Variants in SHC3 observed in about 807,000 individuals in gnomAD.
SHC3 encodes the protein SHC adaptor protein 3, also known as SHC-transforming protein 3.
In SHC3, 15 loss-of-function variants were observed where a neutral mutation model predicts 60.4. The observed-to-expected ratio is 0.25, with a 90% CI of 0.17 to 0.38. SHC3 has a LOEUF of 0.38. Ranked by LOEUF, SHC3 falls within the 10% of genes least tolerant of loss-of-function variation. The pLI is 1.00. For missense variants in SHC3, 677 were observed against 786.1 expected (o/e 0.86, Z 1.66); for synonymous variants, 294 against 325.9 (o/e 0.90, Z 1.05).
intron 5 of SHC3, among the ~76,000 whole-genome samples, chr9:89,069,675 A>G (rs556358715): frequency 2.0e-5 from 3 of 152,254 alleles, no homozygotes; most frequent in Non-Finnish European, 2.9e-5. Flanking sequence ...ACTGAGAAGC[A>G]GCAGGGCCCA....
chr9:89,136,685 G>A (rs904950330), intron 1 of SHC3, among the ~76,000 whole-genome samples: 2 of 152,224 alleles, frequency 1.3e-5, no homozygotes, highest in African/African-American at 4.8e-5. Flanking sequence ...TGCCTACGGA[G>A]TAGCCATTCT....
intron 1 of SHC3, among the ~76,000 whole-genome samples, chr9:89,148,450 G>C (rs1826501319): frequency 6.6e-6 from 1 of 152,210 alleles, no homozygotes; most frequent in Non-Finnish European, 1.5e-5. Context: ...GGGGAGAAAA[G>C]AAGACTATAT....
At chr9:89,154,668 C>T (rs987943856) in intron 1 of SHC3, among the ~76,000 whole-genome samples, 3 of 152,144 alleles carry the variant, frequency 2.0e-5, no homozygotes, top group Non-Finnish European at 4.4e-5. Context: ...AATATAAATG[C>T]CATATAGGTG....
intron 2 of SHC3, among the ~76,000 whole-genome samples, chr9:89,093,237 CA>C (rs966507665): frequency 9.9e-5 from 15 of 152,168 alleles, no homozygotes; most frequent in African/African-American, 3.6e-4. Flanking sequence ...AAGCTAGACA[CA>C]TAAAATCTTG....
intron 9 of SHC3, among the ~76,000 whole-genome samples, 162 bp downstream of exon 9, chr9:89,045,584 C>T (rs1344135242): frequency 6.6e-6 from 1 of 152,156 alleles, no homozygotes; most frequent in African/African-American, 2.4e-5. Context: ...CACACCGTTG[C>T]TTCTATTTCT....
chr9:89,144,295 G>A (rs1438183976), intron 1 of SHC3, among the ~76,000 whole-genome samples: 2 of 152,192 alleles, frequency 1.3e-5, no homozygotes, highest in African/African-American at 4.8e-5. Context: ...ATGTATTCAT[G>A]TGTTACTTAT....
At chr9:89,128,394 A>G (rs1178623125) in intron 1 of SHC3, among the ~76,000 whole-genome samples, 1 of 152,192 alleles carries the variant, frequency 6.6e-6, no homozygotes, top group African/African-American at 2.4e-5. Flanking sequence ...AGCTTTGAAG[A>G]CAGTAGTGGT....
intron 2 of SHC3, among the ~76,000 whole-genome samples, chr9:89,099,998 C>T (rs571990858): frequency 2.0e-4 from 30 of 152,284 alleles, no homozygotes; most frequent in Non-Finnish European, 3.2e-4. Flanking sequence ...TGTTTCCCAT[C>T]GCACAAACTT....
intron 11 of SHC3, among the ~76,000 whole-genome samples, chr9:89,032,743 G>C (rs1443667932): frequency 1.3e-5 from 2 of 152,108 alleles, no homozygotes; most frequent in Non-Finnish European, 2.9e-5. Flanking sequence ...GTATACTCTG[G>C]AGTAAATTTA....
chr9:89,034,441 G>A (rs553367097), intron 11 of SHC3, among the ~76,000 whole-genome samples: 1 of 152,202 alleles, frequency 6.6e-6, no homozygotes, highest in Non-Finnish European at 1.5e-5. Context: ...AGTGGACAAG[G>A]ACACTCTCCC....
intron 1 of SHC3, among the ~76,000 whole-genome samples, chr9:89,159,773 C>G (rs1213287154): frequency 6.6e-6 from 1 of 152,286 alleles, no homozygotes; most frequent in Admixed American, 6.5e-5. Context: ...GCCAGTCTAG[C>G]CTTTTCAAGT....
At chr9:89,137,781 A>G (rs1229100107) in intron 1 of SHC3, among the ~76,000 whole-genome samples, 2 of 152,206 alleles carry the variant, frequency 1.3e-5, no homozygotes, top group Non-Finnish European at 2.9e-5. Flanking sequence ...AATCAGAGTC[A>G]TCAGAAGAGC....
intron 1 of SHC3, among the ~76,000 whole-genome samples, chr9:89,157,902 A>G (rs1826648937): frequency 6.6e-6 from 1 of 152,154 alleles, no homozygotes; most frequent in African/African-American, 2.4e-5. Context: ...GGATATGTAT[A>G]GGTGTGAGCC....
At position 89,178,506 on chromosome 9, in the gene SHC3, G is replaced by C. The variant is rs1162688090; in HGVS notation, c.-46C>G. On this transcript the variant is annotated 5_prime_UTR_variant, in exon 1 of 12. Coordinates refer to ENST00000375835, the MANE Select transcript of SHC3 (RefSeq NM_016848.6). The surrounding 1 kb of genome is among the most constrained non-coding windows in gnomAD (Gnocchi z 6.9). The stretch of plus-strand genomic sequence containing the variant: ...CATCCGCCCGGGCGCTGCTGGTGCC[G>C]GCCCCGGCGCGGGCTGCCGCGCATA... The C allele has an allele frequency of 7.1e-6, 10 of 1,415,198 alleles. No individual in the cohort carries two copies. Among genetic ancestry groups the C allele is most frequent in the Admixed American group, 2.9e-5 (1 of 34,648 alleles). The allele number at this position is 1,415,198 out of a possible 1,614,324, so 87.7% of individuals were successfully genotyped here.
chr9:89,116,800 C>G (rs1826025557), intron 1 of SHC3, among the ~76,000 whole-genome samples: 1 of 152,020 alleles, frequency 6.6e-6, no homozygotes, highest in Non-Finnish European at 1.5e-5. Context: ...TATGTGGATA[C>G]CATGACAATA....
intron 1 of SHC3, among the ~76,000 whole-genome samples, chr9:89,134,869 G>A (rs1826297379): frequency 6.6e-6 from 1 of 152,082 alleles, no homozygotes; most frequent in African/African-American, 2.4e-5. Flanking sequence ...ATAGAAGACT[G>A]AAGTAATCTT....
At chr9:89,158,969 T>C (rs1409675857) in intron 1 of SHC3, among the ~76,000 whole-genome samples, 1 of 152,208 alleles carries the variant, frequency 6.6e-6, no homozygotes, top group Non-Finnish European at 1.5e-5. Flanking sequence ...CAGAGGCTGA[T>C]AGTTGGAAAC....
chr9:89,143,509 T>C (rs1826424892), intron 1 of SHC3, among the ~76,000 whole-genome samples: 1 of 152,176 alleles, frequency 6.6e-6, no homozygotes, highest in African/African-American at 2.4e-5. Flanking sequence ...AAGATGGAGT[T>C]GCTCTGGTTC....
chr9:89,055,258 A>T (rs1261738992), intron 6 of SHC3, among the ~76,000 whole-genome samples: 1 of 152,210 alleles, frequency 6.6e-6, no homozygotes, highest in African/African-American at 2.4e-5. Context: ...TCCCCAAATA[A>T]GCCCAGAGGC....
Sources: allele counts gnomAD v4.1 joint callset (sites outside exome capture counted in the v4.1 genomes callset), GRCh38; gene constraint gnomAD v4.1.1; non-coding constraint Gnocchi (gnomAD v3.1); transcripts MANE v1.5; gene names NCBI Gene and HGNC (gene_info 2026-07-23, HGNC 2026-07-21).